CLUL1: variants seen among roughly 807,000 people sequenced by gnomAD.
CLUL1 encodes clusterin like 1.
CLUL1 carries 43 observed loss-of-function variants against 49.4 expected under a neutral mutation model. That is an observed-to-expected ratio of 0.87 (90% CI 0.68 to 1.12). The LOEUF (loss-of-function observed/expected upper bound fraction) is 1.12, where lower values mean the gene tolerates loss of function less well. Ranked by LOEUF, CLUL1 falls within the 50% of genes most tolerant of loss-of-function variation. The pLI, the probability that CLUL1 is intolerant of heterozygous loss-of-function variation, is 0.00. For missense variants in CLUL1, 486 were observed against 544.4 expected (o/e 0.89, Z 1.07); for synonymous variants, 192 against 184.9 (o/e 1.04, Z -0.31).
At chr18:624,747 C>T in intron 4 of CLUL1, 118 bp from the exon 5 acceptor site, 1 of 937,376 alleles carries the variant, frequency 1.1e-6, no homozygotes, top group Admixed American at 2.4e-5. Flanking sequence ...TGCGAGGCAC[C>T]TGAAGGAGAA....
chr18:644,916 C>T lies in CLUL1; in HGVS notation c.1216C>T (p.Pro406Ser), dbSNP rs765506950. ...TATAATCCTTCTTCTGTAGGTAGTT[C>T]CAAGGATTCATGAAGGAAATATTTC... ...EIIFNSIQVVPRIHEGNISKQ... is the reference protein window; with the variant it reads ...EIIFNSIQVVSRIHEGNISKQ... The change falls in exon 9 of 10, where the codon CCA (proline) becomes TCA (serine). Residue 406 changes from proline to serine, a missense_variant. Pro to Ser is a moderately conservative substitution (Grantham distance 74). Transcript: ENST00000692774. 1 of 1,608,730 alleles carries T rather than the reference C, an allele frequency of 6.2e-7. No individual in the cohort carries two copies.
At chr18:598,180 G>A (rs937751166) in intron 1 of CLUL1, 4 of 175,216 alleles carry the variant, frequency 2.3e-5, no homozygotes, top group Non-Finnish European at 3.6e-5. Context: ...CACAATTATC[G>A]GGAAGAGATG....
chr18:645,806 AAAAAATATATATATAT>A (rs2074473478), intron 9 of CLUL1, among the ~76,000 whole-genome samples: 2 of 51,862 alleles, frequency 3.9e-5, no homozygotes, highest in African/African-American at 8.3e-5. Flanking sequence ...AAAAAAAAAA[AAAAAATATATATATAT>A]ATATATATAT....
Position 619,270 on chromosome 18 carries a change from G to T in CLUL1, c.164G>T (p.Gly55Val). Residue 55 changes from glycine to valine, a missense_variant, in exon 4 of 10, where the codon GGT becomes GTT. By Grantham distance (109) the Gly-to-Val change is moderately radical (BLOSUM62 -3). Coordinates refer to ENST00000692774, the MANE Select transcript of CLUL1 (RefSeq NM_001393344.1). ...GAAGAGGTGAAGAAGGCTTTGACTGGTATTAAGCAAATGAAAATCATGATG... is the reference window on the plus strand; with the variant it reads ...GAAGAGGTGAAGAAGGCTTTGACTGTTATTAAGCAAATGAAAATCATGATG... ...ADEEVKKALT[G>V]IKQMKIMMER... The T allele has an allele frequency of 6.2e-7, 1 of 1,613,952 alleles. No individual in the cohort carries two copies. The highest frequency in any genetic ancestry group is 8.5e-7 in the Non-Finnish European group (1 of 1,179,908).
At position 633,300 on chromosome 18, in the gene CLUL1, C is replaced by G. The variant is rs773083083; in HGVS notation, c.859C>G (p.Pro287Ala). ...IEDLPKQDKAPDHGGLISKML... is the reference protein window; with the variant it reads ...IEDLPKQDKAADHGGLISKML... The stretch of plus-strand genomic sequence containing the variant: ...TGTAAATGTTATGTTCCCTGTAGCT[C>G]CTGACCACGGAGGCCTGATTTCAAA... Residue 287 changes from proline to alanine, a missense_variant and splice_region_variant, in exon 7 of 10, where the codon CCT (proline) becomes GCT (alanine). Physicochemically the swap from Pro to Ala is conservative, Grantham distance 27. Transcript: ENST00000692774. The G allele has an allele frequency of 1.1e-4, 176 of 1,611,168 alleles. No homozygotes were observed. Among genetic ancestry groups the G allele is most frequent in the Non-Finnish European group, 1.4e-4 (170 of 1,178,656 alleles).
At chr18:632,044 A>G (rs979760246) in intron 6 of CLUL1, among the ~76,000 whole-genome samples, 1 of 152,224 alleles carries the variant, frequency 6.6e-6, no homozygotes, top group Non-Finnish European at 1.5e-5. Context: ...TTATCTCAAA[A>G]TAAAACGTTT....
chr18:601,352 A>G (rs565934271), intron 1 of CLUL1, among the ~76,000 whole-genome samples: 1 of 152,224 alleles, frequency 6.6e-6, no homozygotes, highest in South Asian at 2.1e-4. Context: ...CATCTGACTT[A>G]GATATACTGG....
chr18:633,359 G>A lies in CLUL1; in HGVS notation c.918G>A (p.Gly306=), dbSNP rs1332652726. The A allele has an allele frequency of 1.2e-6, 2 of 1,613,528 alleles. No homozygotes were observed. Among genetic ancestry groups the A allele is most frequent in the Admixed American group, 3.3e-5 (2 of 59,966 alleles). The change falls in exon 7 of 10, where the codon GGG becomes GGA. Residue 306 remains glycine, a synonymous_variant. Coordinates refer to ENST00000692774, the MANE Select transcript of CLUL1 (RefSeq NM_001393344.1). The part of the protein sequence containing the change: ...MLPGQDRGLC[G]ELDQNLSRCF... Reference sequence around the variant, plus strand: ...CTGGGCAGGACAGAGGACTGTGTGGGGAACTTGACCAGAATTTGTCAAGAT... The same window carrying A: ...CTGGGCAGGACAGAGGACTGTGTGGAGAACTTGACCAGAATTTGTCAAGAT...
intron 2 of CLUL1, chr18:612,752 G>C (rs1010643822): frequency 6.6e-6 from 1 of 152,158 alleles, no homozygotes; most frequent in Admixed American, 6.5e-5. Context: ...ATATTTATTT[G>C]TGTATTGTCC....
Position 648,376 on chromosome 18 carries a change from TTTC to T in CLUL1, c.1398-1519_1398-1517del. On this transcript the variant is annotated intron_variant, in intron 9 of 9. Transcript: ENST00000692774. ...ATTTTTCACAGGCAATGTTAATGTT[TTTC>T]TTTTTTATGTAGTTTTAAAATTCTA... Among the ~76,000 whole-genome samples the T allele has an allele frequency of 4.0e-5, 6 of 150,348 alleles. No individual in the cohort carries two copies. The Middle Eastern group carries it at 0.017, about 429-fold the overall frequency.
In CLUL1 at chr18:650,070, A is replaced by G. The variant is rs1598456353; in HGVS notation, c.*169A>G. On this transcript the variant is annotated 3_prime_UTR_variant, in exon 10 of 10. Coordinates refer to ENST00000692774, the MANE Select transcript of CLUL1 (RefSeq NM_001393344.1). ...CTTATGTTGAATGGCTTAGCTATTA[A>G]TACTCAAATTGAGTTAAAATGAAAA... is the stretch of plus-strand genomic sequence containing the variant. 1 of 491,576 alleles carries G rather than the reference A, an allele frequency of 2.0e-6. No homozygotes were observed. 30.5% of individuals were successfully genotyped at this position (491,576 alleles called of 1,614,324 possible).
intron 7 of CLUL1, among the ~76,000 whole-genome samples, chr18:635,732 G>A (rs1324196997): frequency 2.0e-5 from 3 of 152,032 alleles, no homozygotes; most frequent in African/African-American, 4.8e-5. Flanking sequence ...AAATCGCGCC[G>A]TTCAGAGAAA....
At chr18:612,148 G>T (rs1230280900) in intron 2 of CLUL1, among the ~76,000 whole-genome samples, 2 of 152,168 alleles carry the variant, frequency 1.3e-5, no homozygotes, top group Non-Finnish European at 2.9e-5. Flanking sequence ...CTTTCCCATA[G>T]TCCATTCTTC....
chr18:620,236 TC>T (rs2073449522), intron 4 of CLUL1, among the ~76,000 whole-genome samples: 1 of 152,214 alleles, frequency 6.6e-6, no homozygotes, highest in Admixed American at 6.5e-5. Context: ...ACTTGCCAGA[TC>T]TGATTAGATC....
chr18:597,382 A>G (rs554956112), intron 1 of CLUL1, among the ~76,000 whole-genome samples: 1 of 152,238 alleles, frequency 6.6e-6, no homozygotes, highest in South Asian at 2.1e-4. Context: ...TCAAAACAGG[A>G]GGAGGAGGTA....
Position 648,760 on chromosome 18 carries a change from G to A in CLUL1, c.1398-1138G>A, listed in dbSNP as rs538048251. Among the ~76,000 whole-genome samples, 9 of 152,198 alleles carry A rather than the reference G, an allele frequency of 5.9e-5. No individual in the cohort carries two copies. The East Asian group carries it at 1.7e-3, about 29-fold the overall frequency. On this transcript the variant is annotated intron_variant, in intron 9 of 9. Transcript: ENST00000692774. ...CAACCTCCACCTCCCAGGTTCAAGC[G>A]ACTCTCATGCCTCAGCCTCCCAAGT...
At chr18:642,697 T>C (rs764929743) in intron 8 of CLUL1, among the ~76,000 whole-genome samples, 7 of 152,204 alleles carry the variant, frequency 4.6e-5, no homozygotes, top group African/African-American at 7.2e-5. Context: ...GTGTGTAGTA[T>C]GTTAGGTTAT....
In CLUL1 at chr18:627,028, A is replaced by AC; in HGVS notation, c.424-69_424-68insC. ...GAAGGAAAGAAAGAAAGAAAGAAAG[A>AC]AAAGAAAGAAAGAGTCGAGAAAGAA... On this transcript the variant is annotated intron_variant, in intron 5 of 9. Coordinates refer to ENST00000692774, the MANE Select transcript of CLUL1 (RefSeq NM_001393344.1). 6.7e-6 allele frequency: 2 copies of AC among 298,986 alleles called. 1 individual carries two copies. Among genetic ancestry groups the AC allele is most frequent in the African/African-American group, 1.0e-4 (2 of 19,366 alleles). The allele number at this position is 298,986 out of a possible 1,614,324, so 18.5% of individuals were successfully genotyped here. A position where few individuals can be genotyped will look rare whatever the true frequency, so the allele number is the denominator to read the frequency against.
At chr18:642,556 A>AAC (rs1338785675) in intron 8 of CLUL1, among the ~76,000 whole-genome samples, 2 of 152,330 alleles carry the variant, frequency 1.3e-5, no homozygotes, top group African/African-American at 2.4e-5. Context: ...TCCCCCCTCC[A>AAC]ACACACACAC....
Sources: allele counts gnomAD v4.1 joint callset (sites outside exome capture counted in the v4.1 genomes callset), GRCh38; gene constraint gnomAD v4.1.1; transcripts MANE v1.5; gene names NCBI Gene and HGNC (gene_info 2026-07-23, HGNC 2026-07-21).